Variants in DLG2 observed in about 807,000 individuals in gnomAD.
DLG2 encodes disks large homolog 2.
Under a neutral mutation model 132.5 loss-of-function variants are expected in DLG2, and 45 were observed. The ratio of observed to expected loss-of-function variants is 0.34; its 90% confidence interval spans 0.27 to 0.44. The LOEUF is 0.44. DLG2 is among the 20% of genes least tolerant of loss of function. DLG2 has a pLI of 1.00. For synonymous variants in DLG2, 424 were observed against 419.6 expected (o/e 1.01, Z -0.13); for missense variants, 1,045 against 1,196.9 (o/e 0.87, Z 1.87).
chr11:83,836,127 A>G (rs973288114), intron 16 of DLG2, among the ~76,000 whole-genome samples: 19 of 152,196 alleles, frequency 1.2e-4, no homozygotes, highest in Non-Finnish European at 2.5e-4. Flanking sequence ...GCTTGAAGAC[A>G]GTCAGGAAGA....
In DLG2 at chr11:83,872,886, T is replaced by G. The variant is rs901674972; in HGVS notation, c.1565+1534A>C. ...AGTGGTAAAATTAGTCCCCACACCCTTACCTCTACTGCAAACAACACCTCA... is the reference window on the plus strand; with the variant it reads ...AGTGGTAAAATTAGTCCCCACACCCGTACCTCTACTGCAAACAACACCTCA... On this transcript the variant is annotated intron_variant, in intron 16 of 27. Transcript: ENST00000376104. Among the ~76,000 whole-genome samples, 69 of 152,272 alleles carry G rather than the reference T, an allele frequency of 4.5e-4. 1 individual carries two copies. The highest frequency in any genetic ancestry group is 4.4e-5 in the Non-Finnish European group (3 of 68,018).
chr11:85,450,797 A>G (rs901898715), intron 3 of DLG2, among the ~76,000 whole-genome samples: 4 of 151,968 alleles, frequency 2.6e-5, no homozygotes, highest in Non-Finnish European at 5.9e-5. Context: ...GAATTGAACT[A>G]TCTTTCCTTC....
At chr11:83,973,159 T>G (rs890214493) in intron 12 of DLG2, among the ~76,000 whole-genome samples, 9 of 152,244 alleles carry the variant, frequency 5.9e-5, no homozygotes, top group African/African-American at 2.2e-4. Flanking sequence ...TCATATGTTT[T>G]AAAATGTAAA....
Position 85,432,236 on chromosome 11 carries a change from T to C in DLG2, c.41-146871A>G, listed in dbSNP as rs180885632. Reference sequence around the variant, plus strand: ...ATGAGAAAGAATCAATGAAGAAACATTGAAAACCCAAAAGCTCAGAGTGCC... The same window carrying C: ...ATGAGAAAGAATCAATGAAGAAACACTGAAAACCCAAAAGCTCAGAGTGCC... On this transcript the variant is annotated intron_variant, in intron 3 of 27. Transcript: ENST00000376104. Among the ~76,000 whole-genome samples, 340 of 152,232 alleles carry C rather than the reference T, an allele frequency of 2.2e-3. 1 individual carries two copies. The highest frequency in any genetic ancestry group is 3.1e-3 in the Non-Finnish European group (214 of 68,006).
chr11:85,311,540 T>G (rs1022220690), intron 3 of DLG2, among the ~76,000 whole-genome samples: 5 of 152,094 alleles, frequency 3.3e-5, no homozygotes, highest in African/African-American at 4.8e-5. Context: ...TAATCCCCTT[T>G]ACATGATAAT....
At chr11:84,931,302 C>T (rs564025422) in intron 6 of DLG2, among the ~76,000 whole-genome samples, 1 of 152,226 alleles carries the variant, frequency 6.6e-6, no homozygotes, top group Non-Finnish European at 1.5e-5. Context: ...GATCCTCTCC[C>T]TTCTCCCACC....
intron 6 of DLG2, among the ~76,000 whole-genome samples, chr11:84,721,696 C>T (rs2061854260): frequency 6.6e-6 from 1 of 152,160 alleles, no homozygotes; most frequent in African/African-American, 2.4e-5. Flanking sequence ...TGGCACTATG[C>T]CTCACAGATG....
At position 84,888,159 on chromosome 11, in the gene DLG2, G is replaced by C. The variant is rs138697930; in HGVS notation, c.357+223502C>G. 6.6e-5 allele frequency among the ~76,000 whole-genome samples: 10 copies of C among 152,236 alleles called. No individual in the cohort carries two copies. The East Asian group carries it at 1.9e-3, about 29-fold the overall frequency. On this transcript the variant is annotated intron_variant, in intron 6 of 27. Transcript: ENST00000376104. ...TTACATGTCAACTTGGCTGGGCTAA[G>C]AGATGCCCAGATAGCTGATAAAACA...
At chr11:84,116,197 C>A (rs2093626583) in intron 9 of DLG2, among the ~76,000 whole-genome samples, 1 of 152,198 alleles carries the variant, frequency 6.6e-6, no homozygotes, top group African/African-American at 2.4e-5. Flanking sequence ...AGCTTCTTAA[C>A]TTCTCTTAAA....
chr11:84,170,615 T>TGTGTTCATGGCAG, intron 8 of DLG2, among the ~76,000 whole-genome samples: 1 of 152,242 alleles, frequency 6.6e-6, no homozygotes, highest in East Asian at 1.9e-4. Flanking sequence ...TCATGGCAGG[T>TGTGTTCATGGCAG]GTTCATGAGA....
At chr11:85,196,091 G>A (rs1399173764) in intron 4 of DLG2, among the ~76,000 whole-genome samples, 1 of 152,094 alleles carries the variant, frequency 6.6e-6, no homozygotes, top group East Asian at 1.9e-4. Context: ...ACCCAGCGTT[G>A]CCTCCTTTTA....
chr11:84,108,410 G>A (rs1440771294), intron 9 of DLG2, among the ~76,000 whole-genome samples: 1 of 152,078 alleles, frequency 6.6e-6, no homozygotes, highest in Non-Finnish European at 1.5e-5. Context: ...CAGAAAAAAT[G>A]GCTAACATTT....
chr11:84,193,747 C>T (rs781179340), intron 8 of DLG2, among the ~76,000 whole-genome samples: 1 of 152,160 alleles, frequency 6.6e-6, no homozygotes, highest in African/African-American at 2.4e-5. Context: ...AAATTATGGT[C>T]AAAACAACAA....
At chr11:84,951,553 CAAT>C (rs1464364094) in intron 6 of DLG2, among the ~76,000 whole-genome samples, 1 of 151,372 alleles carries the variant, frequency 6.6e-6, no homozygotes, top group African/African-American at 2.4e-5. Context: ...ATTTTAACTA[CAAT>C]AAGTCCTCAT....
intron 7 of DLG2, among the ~76,000 whole-genome samples, chr11:84,532,117 ATTTT>A (rs67139617): frequency 9.6e-6 from 1 of 104,582 alleles, no homozygotes; most frequent in Non-Finnish European, 1.8e-5. Context: ...TGTTCTGTTC[ATTTT>A]TTTTTTTTTT....
intron 3 of DLG2, among the ~76,000 whole-genome samples, chr11:85,489,653 C>G (rs1331474797): frequency 6.6e-6 from 1 of 152,276 alleles, no homozygotes; most frequent in East Asian, 1.9e-4. Context: ...TGTTAGGCCA[C>G]AAACTAAGTC....
intron 6 of DLG2, among the ~76,000 whole-genome samples, chr11:84,603,411 A>G (rs1181520127): frequency 6.6e-6 from 1 of 151,998 alleles, no homozygotes; most frequent in Non-Finnish European, 1.5e-5. Context: ...AGAGCAAGCC[A>G]TTTACCTCTA....
At chr11:85,465,993 C>A (rs960363171) in intron 3 of DLG2, among the ~76,000 whole-genome samples, 2 of 152,104 alleles carry the variant, frequency 1.3e-5, no homozygotes, top group South Asian at 4.2e-4. Context: ...TTAATGATTG[C>A]CATTCTAACT....
At chr11:85,331,844 C>T (rs2152840880) in intron 3 of DLG2, among the ~76,000 whole-genome samples, 1 of 152,306 alleles carries the variant, frequency 6.6e-6, no homozygotes, top group African/African-American at 2.4e-5. Flanking sequence ...AAATGTACCA[C>T]ATTTGCTTTA....
Sources: gnomAD v4.1 joint callset for allele counts (sites outside exome capture counted in the v4.1 genomes callset) on GRCh38, gnomAD v4.1.1 for gene constraint, MANE v1.5 for transcripts, NCBI Gene and HGNC (gene_info 2026-07-23, HGNC 2026-07-21) for gene names.